Variants in TAS2R1 observed in about 807,000 individuals in gnomAD.
TAS2R1 encodes the protein taste receptor type 2 member 1.
For synonymous variants in TAS2R1, 141 were observed against 134.2 expected (o/e 1.05, Z -0.35); for missense variants, 370 against 353.4 (o/e 1.05, Z -0.38).
the TAS2R1 span, among the ~76,000 whole-genome samples, chr5:9,779,760 CA>C: frequency 5.9e-5 from 9 of 152,170 alleles, no homozygotes; most frequent in South Asian, 6.2e-4. Flanking sequence ...CAAGAGTTAC[CA>C]AAATGTTACA....
chr5:9,837,639 G>A, the TAS2R1 span, among the ~76,000 whole-genome samples: 1 of 152,156 alleles, frequency 6.6e-6, no homozygotes, highest in Non-Finnish European at 1.5e-5. Flanking sequence ...CTTGCCTCCT[G>A]CTTTGTTCTG....
chr5:9,776,991 CT>C, the TAS2R1 span, among the ~76,000 whole-genome samples: 1 of 152,168 alleles, frequency 6.6e-6, no homozygotes, highest in Non-Finnish European at 1.5e-5. Context: ...ATTAAAAATA[CT>C]TTTTTGATAA....
the TAS2R1 span, among the ~76,000 whole-genome samples, chr5:9,725,337 C>T: frequency 1.3e-5 from 2 of 152,186 alleles, no homozygotes; most frequent in Non-Finnish European, 2.9e-5. Flanking sequence ...ACCGGGGCTG[C>T]GCGCGGAGCT....
At chr5:9,831,004 A>C in the TAS2R1 span, among the ~76,000 whole-genome samples, 1 of 152,326 alleles carries the variant, frequency 6.6e-6, no homozygotes, top group East Asian at 1.9e-4. Flanking sequence ...GTTCTTGGAA[A>C]AATCTAAGTC....
the TAS2R1 span, among the ~76,000 whole-genome samples, chr5:9,788,843 T>A: frequency 6.6e-6 from 1 of 152,208 alleles, no homozygotes; most frequent in African/African-American, 2.4e-5. Flanking sequence ...AAATTTTCTA[T>A]GTAAATTTTC....
chr5:9,715,797 A>G (rs1734798708), upstream of TAS2R1, among the ~76,000 whole-genome samples: 1 of 152,236 alleles, frequency 6.6e-6, no homozygotes, highest in Admixed American at 6.5e-5. Flanking sequence ...GAGCCAGAGC[A>G]TCAAGAAGGC....
chr5:9,902,694 G>C, the TAS2R1 span: 3 of 152,008 alleles, frequency 2.0e-5, no homozygotes, highest in African/African-American at 7.2e-5. Context: ...GGAAAGTCAC[G>C]CTGGGGTAGG....
At chr5:9,678,471 T>C (rs1160314165) in intron 1 of TAS2R1, among the ~76,000 whole-genome samples, 2 of 152,144 alleles carry the variant, frequency 1.3e-5, no homozygotes, top group Non-Finnish European at 2.9e-5. Flanking sequence ...ATCATAAATA[T>C]ACATGCATGC....
the TAS2R1 span, among the ~76,000 whole-genome samples, chr5:9,778,880 T>C: frequency 2.0e-5 from 3 of 152,256 alleles, no homozygotes; most frequent in Non-Finnish European, 2.9e-5. Flanking sequence ...ATCATTCGTG[T>C]GTTCACGGGA....
the TAS2R1 span, among the ~76,000 whole-genome samples, chr5:9,741,555 A>C: frequency 6.6e-6 from 1 of 152,230 alleles, no homozygotes. Context: ...AATAAAAGAA[A>C]GATTTACATG....
chr5:9,902,781 C>T, the TAS2R1 span: 2 of 151,882 alleles, frequency 1.3e-5, no homozygotes, highest in African/African-American at 4.8e-5. Context: ...CAGATCAATA[C>T]AGTGATCAGT....
At chr5:9,798,243 T>C in the TAS2R1 span, among the ~76,000 whole-genome samples, 4 of 152,158 alleles carry the variant, frequency 2.6e-5, no homozygotes, top group Non-Finnish European at 5.9e-5. Context: ...GGGTTGGGAA[T>C]GGGGATTGAT....
upstream of TAS2R1, chr5:9,630,396 T>C (rs1027828300): frequency 4.5e-5 from 8 of 178,724 alleles, no homozygotes; most frequent in Non-Finnish European, 8.0e-5. Flanking sequence ...ATTCTTCATC[T>C]CTACTATGAA....
chr5:9,873,868 C>CG, the TAS2R1 span, among the ~76,000 whole-genome samples: 34 of 87,374 alleles, frequency 3.9e-4, no homozygotes, highest in East Asian at 9.3e-4. Flanking sequence ...GACTCTGTCT[C>CG]GGGGAAAAAA....
At chr5:9,663,745 GAA>G (rs930095125) in intron 1 of TAS2R1, among the ~76,000 whole-genome samples, 1 of 152,186 alleles carries the variant, frequency 6.6e-6, no homozygotes, top group African/African-American at 2.4e-5. Flanking sequence ...TATTTGGATA[GAA>G]AGTTTTGCAA....
At chr5:9,828,468 G>A in the TAS2R1 span, among the ~76,000 whole-genome samples, 80,501 of 151,738 alleles carry the variant, frequency 0.53, 21,709 homozygotes, top group Non-Finnish European at 0.57. Flanking sequence ...CAGGAATTAC[G>A]GCATTTTAAG....
chr5:9,724,626 A>C, the TAS2R1 span, among the ~76,000 whole-genome samples: 1 of 152,168 alleles, frequency 6.6e-6, no homozygotes, highest in African/African-American at 2.4e-5. Flanking sequence ...TGTGCAGATT[A>C]CGGTAATAAC....
At chr5:9,857,088 G>A in the TAS2R1 span, among the ~76,000 whole-genome samples, 1 of 152,098 alleles carries the variant, frequency 6.6e-6, no homozygotes, top group Non-Finnish European at 1.5e-5. Context: ...ACAGAATAAA[G>A]TAAAGTAGAT....
At chr5:9,788,368 G>A in the TAS2R1 span, among the ~76,000 whole-genome samples, 1 of 152,084 alleles carries the variant, frequency 6.6e-6, no homozygotes, top group African/African-American at 2.4e-5. Flanking sequence ...GTCAAGCTGG[G>A]GCTGCACGGA....
Sources: allele counts gnomAD v4.1 joint callset (sites outside exome capture counted in the v4.1 genomes callset), GRCh38; gene constraint gnomAD v4.1.1; transcripts MANE v1.5; gene names NCBI Gene and HGNC (gene_info 2026-07-23, HGNC 2026-07-21).